TAF15: variants seen among roughly 807,000 people sequenced by gnomAD.
The protein encoded by TAF15 is TATA-binding protein-associated factor 2N.
TAF15 carries 37 observed loss-of-function variants against 102.5 expected under a neutral mutation model. The ratio of observed to expected loss-of-function variants is 0.36; its 90% CI spans 0.28 to 0.47. The LOEUF (loss-of-function observed/expected upper bound fraction) is 0.47. Among genes scored for constraint, TAF15 ranks in the 20% least tolerant of loss-of-function variants. The probability of loss-of-function intolerance (pLI) is 0.99; values close to 1 mark genes in which losing one functional copy is unlikely to be tolerated. For missense variants in TAF15, 652 were observed against 760.7 expected (o/e 0.86, Z 1.68); for synonymous variants, 273 against 259.2 (o/e 1.05, Z -0.51).
At chr17:35,833,338 G>A (rs2143800113) in intron 7 of TAF15, among the ~76,000 whole-genome samples, 1 of 152,160 alleles carries the variant, frequency 6.6e-6, no homozygotes, top group East Asian at 1.9e-4. Context: ...TCTTTTATAA[G>A]GGTTTTGAAT....
At chr17:35,826,303 T>C (rs1598530748) in intron 7 of TAF15, among the ~76,000 whole-genome samples, 2 of 152,110 alleles carry the variant, frequency 1.3e-5, no homozygotes, top group South Asian at 4.1e-4. Context: ...TACTCTGTTA[T>C]TTGTTGAGAT....
intron 9 of TAF15, among the ~76,000 whole-genome samples, chr17:35,835,689 A>G (rs1467915669): frequency 6.6e-6 from 1 of 152,272 alleles, no homozygotes; most frequent in Non-Finnish European, 1.5e-5. Context: ...GGAAACCAGC[A>G]GTTCTGCTTT....
rs978647003 is a variant in TAF15 at position 35,846,909 on chromosome 17, C to T, written c.1743C>T (p.Asn581=). 4 of 1,614,088 alleles carry T rather than the reference C, an allele frequency of 2.5e-6. No homozygotes were observed. Among genetic ancestry groups the T allele is most frequent in the Non-Finnish European group, 2.5e-6 (3 of 1,180,002 alleles). ...GGYGGKMGGR[N]DYRNDQRNRP... ...GCTCTTTATTTTTCATTCCTAGAAACGACTACAGAAATGATCAGCGCAACC... is the reference window on the plus strand; with the variant it reads ...GCTCTTTATTTTTCATTCCTAGAAATGACTACAGAAATGATCAGCGCAACC... Residue 581 remains asparagine, a synonymous_variant, in exon 16 of 16, where the codon AAC becomes AAT. Coordinates refer to ENST00000605844, the MANE Select transcript of TAF15 (RefSeq NM_139215.3).
At chr17:35,842,717 G>A (rs763355767) in intron 12 of TAF15, among the ~76,000 whole-genome samples, 1 of 151,918 alleles carries the variant, frequency 6.6e-6, no homozygotes, top group Non-Finnish European at 1.5e-5. Flanking sequence ...AAATCAGGAG[G>A]CAATTTTTTT....
At chr17:35,827,705 CAAA>C (rs1038289629) in intron 7 of TAF15, among the ~76,000 whole-genome samples, 1 of 128,802 alleles carries the variant, frequency 7.8e-6, no homozygotes, top group East Asian at 2.2e-4. Flanking sequence ...AACTCCATCG[CAAA>C]AAAAAAAAAG....
chr17:35,821,400 A>G (rs1045112781), intron 5 of TAF15, among the ~76,000 whole-genome samples: 1 of 152,232 alleles, frequency 6.6e-6, no homozygotes, highest in Non-Finnish European at 1.5e-5. Flanking sequence ...TTTTGGAAGC[A>G]TGACCTATAA....
At chr17:35,824,229 CT>C (rs756767066) in intron 7 of TAF15, 31 bp downstream of exon 7, 2 of 1,592,462 alleles carry the variant, frequency 1.3e-6, no homozygotes, top group East Asian at 4.5e-5. Flanking sequence ...GCGTACATTT[CT>C]TCTTCTTCCT....
chr17:35,819,944 T>C, intron 2 of TAF15, 80 bp from the exon 3 acceptor site: 1 of 1,273,536 alleles, frequency 7.9e-7, no homozygotes, highest in Non-Finnish European at 1.1e-6. Context: ...GAGTTGAAAG[T>C]TGAAAATGAA....
At chr17:35,819,808 T>C (rs1223192927) in intron 2 of TAF15, among the ~76,000 whole-genome samples, 1 of 152,212 alleles carries the variant, frequency 6.6e-6, no homozygotes, top group African/African-American at 2.4e-5. Context: ...TTTGGGTATT[T>C]GTTTCCCATT....
chr17:35,809,495 G>A lies in TAF15; in HGVS notation c.-75G>A, dbSNP rs1352520799. 7 of 1,605,744 alleles carry A rather than the reference G, an allele frequency of 4.4e-6. No individual in the cohort carries two copies. The highest frequency in any genetic ancestry group is 1.7e-5 in the Admixed American group (1 of 59,768). ...GCCGCGCCGCCCTCAGTACAGCTCCGGCCGCCGCGCCGCCTGGCTTTCGTA... is the reference window on the plus strand; with the variant it reads ...GCCGCGCCGCCCTCAGTACAGCTCCAGCCGCCGCGCCGCCTGGCTTTCGTA... On this transcript the variant is annotated 5_prime_UTR_variant, in exon 1 of 16. Coordinates refer to ENST00000605844, the MANE Select transcript of TAF15 (RefSeq NM_139215.3).
Position 35,820,478 on chromosome 17 carries a change from G to A in TAF15, c.290+41G>A, listed in dbSNP as rs757056222. On this transcript the variant is annotated intron_variant, in intron 5 of 15. Coordinates refer to ENST00000605844, the MANE Select transcript of TAF15 (RefSeq NM_139215.3). The stretch of plus-strand genomic sequence containing the variant: ...AATACTGAGATTGTTTTGGGCAGTG[G>A]AAATAACACTGATATTAAACAGATT... The A allele has an allele frequency of 2.6e-6, 4 of 1,552,972 alleles. No homozygotes were observed. In the African/African-American group the frequency reaches 5.4e-5, roughly 21 times the overall value.
intron 9 of TAF15, among the ~76,000 whole-genome samples, chr17:35,835,744 T>C (rs748248252): frequency 4.6e-5 from 7 of 152,258 alleles, no homozygotes; most frequent in Non-Finnish European, 7.3e-5. Flanking sequence ...GAGAATTTTG[T>C]ACTAGAGAAT....
At chr17:35,841,690 G>T (rs965595640) in intron 11 of TAF15, among the ~76,000 whole-genome samples, 1 of 147,574 alleles carries the variant, frequency 6.8e-6, no homozygotes, top group African/African-American at 2.5e-5. Flanking sequence ...GAGTCATCAC[G>T]CCCAGCTTTT....
chr17:35,810,636 T>A (rs901088495), intron 1 of TAF15: 1 of 152,176 alleles, frequency 6.6e-6, no homozygotes, highest in African/African-American at 2.4e-5. Context: ...AACCGTGTGG[T>A]TGAGGTGAAA....
At chr17:35,827,258 C>T (rs955024374) in intron 7 of TAF15, among the ~76,000 whole-genome samples, 4 of 151,550 alleles carry the variant, frequency 2.6e-5, no homozygotes, top group Admixed American at 2.0e-4. Flanking sequence ...ATGGTGTGAA[C>T]CCAGGAGGCG....
In TAF15 at chr17:35,814,504, A is replaced by C. The variant is rs117850755; in HGVS notation, c.8-3212A>C. ...TTAAGTTATGTTACTAGCCAAAATA[A>C]AGTTCAGACGTAATGTTAAAAGGAA... On this transcript the variant is annotated intron_variant, in intron 1 of 15. Transcript: ENST00000605844. Among the ~76,000 whole-genome samples the C allele has an allele frequency of 2.2e-3, 335 of 152,000 alleles. 1 individual carries two copies. The highest frequency in any genetic ancestry group is 5.5e-3 in the Admixed American group (84 of 15,248).
intron 2 of TAF15, 76 bp downstream of exon 2, chr17:35,817,831 CTT>C: frequency 7.8e-7 from 1 of 1,275,280 alleles, no homozygotes; most frequent in Non-Finnish European, 1.1e-6. Flanking sequence ...TCTCTTGAGA[CTT>C]GATGCTGGAT....
At position 35,846,039 on chromosome 17, in the gene TAF15, T is replaced by G. The variant is rs4251792; in HGVS notation, c.1740-867T>G. On this transcript the variant is annotated intron_variant, in intron 15 of 15. Transcript: ENST00000605844. The stretch of plus-strand genomic sequence containing the variant: ...GAAAACCACTGATGGGAATGTCTTG[T>G]GCACACGAATGGTGTAGAGGCAGAA... Among the ~76,000 whole-genome samples the G allele has an allele frequency of 3.5e-3, 538 of 152,342 alleles. 4 individuals carry two copies. The highest frequency in any genetic ancestry group is 0.012 in the African/African-American group (505 of 41,578).
At position 35,844,624 on chromosome 17, in the gene TAF15, G is replaced by A. The variant is rs1457039138; in HGVS notation, c.1325G>A (p.Ser442Asn). The A allele has an allele frequency of 2.5e-6, 4 of 1,604,114 alleles. No individual in the cohort carries two copies. The highest frequency in any genetic ancestry group is 3.4e-6 in the Non-Finnish European group (4 of 1,174,156). ...GGTGGTGGCTACAGCGGAGATAGAA[G>A]TGGGGGCGGCTATGGTGGAGACAGA... The part of the protein sequence containing the change: ...SSGGGYSGDR[S>N]GGGYGGDRSG... Residue 442 changes from serine (S) to asparagine (N), a missense_variant, in exon 15 of 16, where the codon AGT becomes AAT. Physicochemically the swap from Ser to Asn is conservative, Grantham distance 46 (BLOSUM62 1). This residue lies in a region of TAF15 where 368 missense variants were observed against 367.5 expected (regional missense o/e 1.00). Transcript: ENST00000605844.
Sources: allele counts gnomAD v4.1 joint callset (sites outside exome capture counted in the v4.1 genomes callset), GRCh38; gene constraint gnomAD v4.1.1; regional missense constraint gnomAD v4.1.1; transcripts MANE v1.5; gene names NCBI Gene and HGNC (gene_info 2026-07-23, HGNC 2026-07-21).